FOXP2: variants seen among roughly 807,000 people sequenced by gnomAD.
FOXP2 encodes forkhead box protein P2.
FOXP2 carries 12 observed loss-of-function variants against 115.8 expected under a neutral mutation model. The observed-to-expected ratio is 0.10, with a 90% confidence interval of 0.07 to 0.17. FOXP2 has a LOEUF of 0.17. FOXP2 is among the 10% of genes least tolerant of loss of function. The probability of loss-of-function intolerance (pLI) is 1.00; values close to 1 mark genes in which losing one functional copy is unlikely to be tolerated. For synonymous variants in FOXP2, 328 were observed against 297.7 expected (o/e 1.10, Z -1.05); for missense variants, 629 against 843.5 (o/e 0.75, Z 3.15).
chr7:114,524,689 C>A lies in FOXP2; in HGVS notation c.169-9928C>A, dbSNP rs140630670. On this transcript the variant is annotated intron_variant, in intron 2 of 16. Coordinates refer to ENST00000350908, the MANE Select transcript of FOXP2 (RefSeq NM_014491.4). ...CATGAGCACTTAATCATTAATTTTT[C>A]TTTTCTTTTTACTTTACTTTGTTTT... 1.8e-4 allele frequency among the ~76,000 whole-genome samples: 27 copies of A among 152,150 alleles called. No homozygotes were observed. In the East Asian group the frequency reaches 5.0e-3, roughly 28 times the overall value.
chr7:114,349,819 C>G (rs1260361399), intron 2 of FOXP2, among the ~76,000 whole-genome samples: 1 of 152,002 alleles, frequency 6.6e-6, no homozygotes, highest in African/African-American at 2.4e-5. Context: ...CAATTAGTGT[C>G]TAAAGTCCTA....
chr7:114,470,154 G>T (rs1028301521), intron 2 of FOXP2, among the ~76,000 whole-genome samples: 1 of 152,026 alleles, frequency 6.6e-6, no homozygotes, highest in Admixed American at 6.6e-5. Context: ...TTGTCTCCTG[G>T]CTCCCTGCAT....
chr7:114,211,131 C>T (rs7783140), intron 1 of FOXP2, among the ~76,000 whole-genome samples: 129,749 of 152,140 alleles, frequency 0.85, 56,082 homozygotes, highest in Admixed American at 0.93. Context: ...TCTTAACTTA[C>T]GAGGTGCCGT....
At chr7:114,120,221 G>A (rs1184878367) in intron 1 of FOXP2, among the ~76,000 whole-genome samples, 1 of 152,130 alleles carries the variant, frequency 6.6e-6, no homozygotes, top group Non-Finnish European at 1.5e-5. Flanking sequence ...GGCTAGATCA[G>A]TCACATGCTA....
In FOXP2 at chr7:114,357,127, T is replaced by A. The variant is rs148840200; in HGVS notation, c.-11+69018T>A. ...AAGTAAATGCCATCAGAATTTTTCC[T>A]GGCCATTTGAAAACCCTGATAAAGG... On this transcript the variant is annotated intron_variant, in intron 2 of 17. Transcript: ENST00000634411. Among the ~76,000 whole-genome samples, 19 of 152,282 alleles carry A rather than the reference T, an allele frequency of 1.2e-4. No homozygotes were observed. The East Asian group carries it at 3.7e-3, about 29-fold the overall frequency.
intron 1 of FOXP2, among the ~76,000 whole-genome samples, chr7:114,142,179 C>T (rs954155967): frequency 7.2e-5 from 11 of 152,068 alleles, no homozygotes; most frequent in African/African-American, 2.4e-4. Context: ...CCCACCACCA[C>T]GTCCAGCCAG....
intron 2 of FOXP2, among the ~76,000 whole-genome samples, chr7:114,329,718 C>G (rs182205093): frequency 2.3e-4 from 35 of 151,176 alleles, no homozygotes; most frequent in Admixed American, 2.0e-3. Context: ...GCTCTGTTGC[C>G]CAGGCTGGAG....
chr7:114,639,992 A>G (rs1245141458), intron 6 of FOXP2, among the ~76,000 whole-genome samples: 1 of 152,190 alleles, frequency 6.6e-6, no homozygotes, highest in African/African-American at 2.4e-5. Flanking sequence ...GTAAATTCAT[A>G]TATTCAAGGC....
At chr7:114,528,253 G>C (rs777017247) in intron 2 of FOXP2, among the ~76,000 whole-genome samples, 3 of 151,932 alleles carry the variant, frequency 2.0e-5, no homozygotes, top group Non-Finnish European at 2.9e-5. Context: ...TCCACGAAAT[G>C]ATTCTCATGT....
At chr7:114,101,176 C>A (rs540357422) in intron 1 of FOXP2, among the ~76,000 whole-genome samples, 49 of 152,072 alleles carry the variant, frequency 3.2e-4, no homozygotes, top group Admixed American at 2.4e-3. Context: ...ATGAGGAACC[C>A]CATGTTTAGG....
intron 1 of FOXP2, among the ~76,000 whole-genome samples, chr7:114,120,753 C>G (rs186881457): frequency 5.3e-5 from 8 of 151,584 alleles, no homozygotes; most frequent in African/African-American, 9.7e-5. Context: ...TAGTCCTGAC[C>G]GCAGTTATAT....
chr7:114,565,113 C>A (rs1184969585), intron 3 of FOXP2, among the ~76,000 whole-genome samples: 3 of 129,110 alleles, frequency 2.3e-5, no homozygotes, highest in African/African-American at 8.7e-5. Flanking sequence ...TTTTTTTTTT[C>A]TGAGAAGGCT....
chr7:114,374,911 G>C (rs1584675890), intron 2 of FOXP2, among the ~76,000 whole-genome samples: 1 of 152,138 alleles, frequency 6.6e-6, no homozygotes, highest in African/African-American at 2.4e-5. Context: ...GGTTGCTCAG[G>C]AGAGTTTCCA....
At chr7:114,464,907 C>T (rs73434193) in intron 2 of FOXP2, among the ~76,000 whole-genome samples, 117 of 152,240 alleles carry the variant, frequency 7.7e-4, no homozygotes, top group African/African-American at 2.5e-3. Flanking sequence ...ATCTTCCATG[C>T]CCACACCTTG....
intron 2 of FOXP2, among the ~76,000 whole-genome samples, chr7:114,358,999 A>G (rs1791680498): frequency 6.6e-6 from 1 of 152,196 alleles, no homozygotes; most frequent in Non-Finnish European, 1.5e-5. Flanking sequence ...AATCACCAAG[A>G]CAATGAAGAA....
Position 114,693,100 on chromosome 7 carries a change from G to A in FOXP2, c.*3174G>A, listed in dbSNP as rs571497670. 2 of 453,758 alleles carry A rather than the reference G, an allele frequency of 4.4e-6. No homozygotes were observed. The highest frequency in any genetic ancestry group is 3.1e-5 in the South Asian group (2 of 64,456). 28.1% of individuals were successfully genotyped at this position (453,758 alleles called of 1,614,324 possible). ...ATTGCTTAAACCTAGTGGGCTTAAG[G>A]CTTATATTCTATGTGGTTGGATTCG... On this transcript the variant is annotated 3_prime_UTR_variant, in exon 17 of 17. Transcript: ENST00000350908.
intron 1 of FOXP2, among the ~76,000 whole-genome samples, chr7:114,090,543 C>T (rs1177030205): frequency 6.6e-6 from 1 of 151,592 alleles, no homozygotes; most frequent in Non-Finnish European, 1.5e-5. Context: ...CAAATAAATC[C>T]AACCCAGAAA....
chr7:114,562,500 C>T (rs1027394603), intron 3 of FOXP2, among the ~76,000 whole-genome samples: 8 of 152,138 alleles, frequency 5.3e-5, no homozygotes, highest in Admixed American at 2.0e-4. Flanking sequence ...ATCTCTACTC[C>T]CAAAACAAAC....
chr7:114,452,245 C>T (rs1417729192), intron 2 of FOXP2, among the ~76,000 whole-genome samples: 3 of 151,904 alleles, frequency 2.0e-5, no homozygotes, highest in African/African-American at 7.2e-5. Context: ...TTCCTTCAGA[C>T]ACCACCCTAT....
Sources: allele counts gnomAD v4.1 joint callset (sites outside exome capture counted in the v4.1 genomes callset), GRCh38; gene constraint gnomAD v4.1.1; transcripts MANE v1.5; gene names NCBI Gene and HGNC (gene_info 2026-07-23, HGNC 2026-07-21).